C8orf34: variants seen among roughly 807,000 people sequenced by gnomAD.
The protein encoded by C8orf34 is uncharacterized protein C8orf34.
A neutral mutation model predicts 68.3 loss-of-function variants in C8orf34; 65 were observed. The observed-to-expected ratio is 0.95, with a 90% CI of 0.78 to 1.17. The LOEUF (loss-of-function observed/expected upper bound fraction) is 1.17. Ranked by LOEUF, C8orf34 falls within the 50% of genes most tolerant of loss-of-function variation. The probability of loss-of-function intolerance (pLI) is 0.00; values close to 1 mark genes in which losing one functional copy is unlikely to be tolerated. For missense variants in C8orf34, 664 were observed against 655.4 expected, an observed-to-expected ratio of 1.01 and a Z score of -0.14; for synonymous variants, 244 against 241.2, an observed-to-expected ratio of 1.01 and a Z score of -0.11.
At chr8:68,442,312 C>G (rs1364571459) in intron 2 of C8orf34, among the ~76,000 whole-genome samples, 2 of 151,964 alleles carry the variant, frequency 1.3e-5, no homozygotes, top group African/African-American at 2.4e-5. Context: ...TGGGGCCTAA[C>G]AGAAGTCAAG....
chr8:68,733,759 T>G (rs1822049085), intron 10 of C8orf34, among the ~76,000 whole-genome samples: 1 of 152,314 alleles, frequency 6.6e-6, no homozygotes, highest in East Asian at 1.9e-4. Context: ...CACAAGAATC[T>G]TATAAATTAG....
At chr8:68,581,223 T>C (rs910307883) in intron 7 of C8orf34, among the ~76,000 whole-genome samples, 12 of 152,206 alleles carry the variant, frequency 7.9e-5, no homozygotes, top group African/African-American at 2.9e-4. Context: ...TGGAGAAGTA[T>C]GATTGGATAA....
chr8:68,803,942 C>T (rs1204130140), intron 12 of C8orf34, among the ~76,000 whole-genome samples: 1 of 151,912 alleles, frequency 6.6e-6, no homozygotes, highest in East Asian at 1.9e-4. Context: ...TTTTGTGTTG[C>T]TTATGAACAC....
intron 8 of C8orf34, among the ~76,000 whole-genome samples, chr8:68,642,662 C>T (rs1819047025): frequency 6.6e-6 from 1 of 152,142 alleles, no homozygotes. Flanking sequence ...GGAAACTGAA[C>T]TTAGAAAATG....
intron 7 of C8orf34, among the ~76,000 whole-genome samples, chr8:68,624,821 G>A (rs1057436182): frequency 6.6e-6 from 1 of 151,708 alleles, no homozygotes; most frequent in Non-Finnish European, 1.5e-5. Flanking sequence ...CTGCAGCCTC[G>A]ACCTCTGGGA....
intron 7 of C8orf34, among the ~76,000 whole-genome samples, chr8:68,617,424 G>A (rs922750628): frequency 1.3e-5 from 2 of 152,192 alleles, no homozygotes; most frequent in African/African-American, 4.8e-5. Context: ...GGCTGGTACT[G>A]GTTGTTCCTT....
intron 1 of C8orf34, among the ~76,000 whole-genome samples, chr8:68,388,727 A>G (rs1808361811): frequency 6.6e-6 from 1 of 152,198 alleles, no homozygotes; most frequent in African/African-American, 2.4e-5. Context: ...CCCAGTGCCA[A>G]AACACAAAGT....
At chr8:68,577,527 T>C (rs962227678) in intron 7 of C8orf34, among the ~76,000 whole-genome samples, 1 of 151,966 alleles carries the variant, frequency 6.6e-6, no homozygotes, top group African/African-American at 2.4e-5. Context: ...TATTTAAAAT[T>C]ATTATATGCA....
intron 12 of C8orf34, among the ~76,000 whole-genome samples, chr8:68,801,400 A>G (rs577645364): frequency 6.6e-6 from 1 of 152,342 alleles, no homozygotes; most frequent in African/African-American, 2.4e-5. Flanking sequence ...CCAGTTTGCC[A>G]TGGTTTCTCC....
chr8:68,539,455 C>G (rs1379099627), intron 7 of C8orf34, among the ~76,000 whole-genome samples: 1 of 152,194 alleles, frequency 6.6e-6, no homozygotes, highest in Admixed American at 6.5e-5. Context: ...TCTTGATGAA[C>G]TTATTAAAAA....
chr8:68,553,245 C>G (rs1032090131), intron 7 of C8orf34, among the ~76,000 whole-genome samples: 4 of 151,718 alleles, frequency 2.6e-5, no homozygotes, highest in African/African-American at 9.7e-5. Context: ...ATTAGCCGGG[C>G]ATGGTGGCAT....
intron 6 of C8orf34, among the ~76,000 whole-genome samples, chr8:68,531,137 G>C (rs1482827112): frequency 6.6e-6 from 1 of 151,972 alleles, no homozygotes. Flanking sequence ...TCTTCAGCGT[G>C]TATTTCTTAG....
At chr8:68,644,586 C>A (rs1353395609) in intron 8 of C8orf34, among the ~76,000 whole-genome samples, 1 of 152,176 alleles carries the variant, frequency 6.6e-6, no homozygotes, top group African/African-American at 2.4e-5. Context: ...TAAACTCCTT[C>A]AGCTAGAACA....
intron 5 of C8orf34, among the ~76,000 whole-genome samples, chr8:68,490,682 T>A (rs2129631805): frequency 6.6e-6 from 1 of 152,270 alleles, no homozygotes; most frequent in East Asian, 1.9e-4. Context: ...CATAAATAAC[T>A]TTTCACTTAA....
intron 12 of C8orf34, among the ~76,000 whole-genome samples, chr8:68,804,679 T>G (rs1352937256): frequency 6.6e-6 from 1 of 152,108 alleles, no homozygotes; most frequent in Non-Finnish European, 1.5e-5. Context: ...CTTGGGAGGC[T>G]GAGGCAAGAG....
intron 10 of C8orf34, among the ~76,000 whole-genome samples, chr8:68,736,680 A>G (rs1009474067): frequency 6.6e-6 from 1 of 152,092 alleles, no homozygotes; most frequent in Non-Finnish European, 1.5e-5. Context: ...AGAAGAAGAG[A>G]TACTCAATAA....
At position 68,797,342 on chromosome 8, in the gene C8orf34, G is replaced by T. The variant is rs1824207430; in HGVS notation, c.1549+9806G>T. ...TCATGTCACTTAATTAGTGGCAGAG[G>T]CAGGACTAGAATGAAGGTCTCCTGA... On this transcript the variant is annotated intron_variant, in intron 12 of 13. Transcript: ENST00000518698. 2.0e-5 allele frequency among the ~76,000 whole-genome samples: 3 copies of T among 152,060 alleles called. 1 individual carries two copies. The South Asian group carries it at 6.2e-4, about 32-fold the overall frequency.
intron 3 of C8orf34, among the ~76,000 whole-genome samples, chr8:68,463,258 G>A (rs1248427158): frequency 6.6e-6 from 1 of 152,072 alleles, no homozygotes; most frequent in Non-Finnish European, 1.5e-5. Context: ...TTGAATCTCT[G>A]AATAGACCAA....
At chr8:68,593,424 G>T (rs1217554358) in intron 7 of C8orf34, among the ~76,000 whole-genome samples, 1 of 151,876 alleles carries the variant, frequency 6.6e-6, no homozygotes, top group Non-Finnish European at 1.5e-5. Context: ...GCTATTTATT[G>T]TTCCATCAAA....
Sources: allele counts gnomAD v4.1 joint callset (sites outside exome capture counted in the v4.1 genomes callset), GRCh38; gene constraint gnomAD v4.1.1; transcripts MANE v1.5; gene names NCBI Gene and HGNC (gene_info 2026-07-23, HGNC 2026-07-21).